The following DPP10 variants were observed in gnomAD, a reference collection of about 807,000 sequenced individuals.
DPP10 encodes dipeptidyl peptidase like 10, also known as inactive dipeptidyl peptidase 10.
A neutral mutation model predicts 120.9 loss-of-function variants in DPP10; 33 were observed. The ratio of observed to expected loss-of-function variants is 0.27; its 90% confidence interval spans 0.21 to 0.37. The LOEUF (loss-of-function observed/expected upper bound fraction) is 0.37, where lower values mean the gene tolerates loss of function less well. Among genes scored for constraint, DPP10 ranks in the 10% least tolerant of loss-of-function variants. The pLI, the probability that DPP10 is intolerant of heterozygous loss-of-function variation, is 1.00. For missense variants in DPP10, 816 were observed against 942.8 expected (o/e 0.87, Z 1.76); for synonymous variants, 337 against 326.1 (o/e 1.03, Z -0.36).
chr2:114,671,694 G>A (rs1466087179), intron 1 of DPP10, among the ~76,000 whole-genome samples: 1 of 152,028 alleles, frequency 6.6e-6, no homozygotes, highest in African/African-American at 2.4e-5. Flanking sequence ...GACTTAGATG[G>A]CAGGGCTTTC....
intron 1 of DPP10, among the ~76,000 whole-genome samples, chr2:114,649,923 T>G (rs1035660609): frequency 2.0e-5 from 3 of 152,196 alleles, no homozygotes; most frequent in Non-Finnish European, 4.4e-5. Flanking sequence ...TGACAACTTT[T>G]TAACCAGTAT....
At chr2:115,711,270 G>GA (rs2092305557) in intron 7 of DPP10, among the ~76,000 whole-genome samples, 1 of 151,942 alleles carries the variant, frequency 6.6e-6, no homozygotes, top group South Asian at 2.1e-4. Context: ...CCTTACAAAA[G>GA]AAAAAAGTTA....
At chr2:114,944,790 T>C (rs957167003) in intron 1 of DPP10, among the ~76,000 whole-genome samples, 20 of 152,192 alleles carry the variant, frequency 1.3e-4, no homozygotes, top group Non-Finnish European at 8.8e-5. Context: ...AGCTACAGGA[T>C]TTTTTTTGTT....
chr2:114,873,787 T>C (rs918334892), intron 1 of DPP10, among the ~76,000 whole-genome samples: 1 of 152,144 alleles, frequency 6.6e-6, no homozygotes, highest in Admixed American at 6.6e-5. Context: ...TGTGAGGAGA[T>C]GGACACAGAG....
chr2:115,815,699 T>A lies in DPP10; in HGVS notation c.1920T>A (p.Ile640=). ...GATTTTTGCTGAAACTGCCTTACATTGACTCCAAAAGATTAAGCATTTTTG... is the reference window on the plus strand; with the variant it reads ...GATTTTTGCTGAAACTGCCTTACATAGACTCCAAAAGATTAAGCATTTTTG... ...AVKFLLKLPY[I]DSKRLSIFGK... Residue 640 remains isoleucine, a synonymous_variant, in exon 21 of 26, where the codon ATT becomes ATA. Coordinates refer to ENST00000410059, the MANE Select transcript of DPP10 (RefSeq NM_020868.6). 1 of 1,602,140 alleles carries A rather than the reference T, an allele frequency of 6.2e-7. No homozygotes were observed. The highest frequency in any genetic ancestry group is 8.5e-7 in the Non-Finnish European group (1 of 1,173,292).
intron 1 of DPP10, among the ~76,000 whole-genome samples, chr2:114,895,783 G>T (rs946949443): frequency 6.6e-6 from 1 of 152,128 alleles, no homozygotes; most frequent in Non-Finnish European, 1.5e-5. Flanking sequence ...TGTCCAAATT[G>T]CCTTTCTCAC....
intron 8 of DPP10, among the ~76,000 whole-genome samples, chr2:115,734,384 A>G (rs1390928049): frequency 6.6e-6 from 1 of 151,994 alleles, no homozygotes; most frequent in East Asian, 1.9e-4. Context: ...GGGGCCGGGC[A>G]TGGTAGCTGA....
At chr2:115,192,382 T>A (rs1417124457) in intron 1 of DPP10, among the ~76,000 whole-genome samples, 2 of 152,360 alleles carry the variant, frequency 1.3e-5, no homozygotes, top group Non-Finnish European at 2.9e-5. Flanking sequence ...GGTAATCTTT[T>A]ACTAAGCAAT....
intron 1 of DPP10, among the ~76,000 whole-genome samples, chr2:115,079,795 CA>C (rs1559068911): frequency 6.6e-6 from 1 of 152,158 alleles, no homozygotes; most frequent in African/African-American, 2.4e-5. Flanking sequence ...GCTTGATGAA[CA>C]GATAGAGAAG....
At chr2:115,173,687 G>A (rs1020132886) in intron 1 of DPP10, among the ~76,000 whole-genome samples, 1 of 152,130 alleles carries the variant, frequency 6.6e-6, no homozygotes, top group African/African-American at 2.4e-5. Flanking sequence ...TCTGCAGATG[G>A]TAATTATTAG....
chr2:114,943,629 G>C (rs1204376950), intron 1 of DPP10, among the ~76,000 whole-genome samples: 1 of 152,140 alleles, frequency 6.6e-6, no homozygotes, highest in Non-Finnish European at 1.5e-5. Flanking sequence ...TTGGTTCCAA[G>C]TCTTTGCTAT....
At chr2:114,592,294 C>T (rs1691527042) in intron 1 of DPP10, among the ~76,000 whole-genome samples, 1 of 152,172 alleles carries the variant, frequency 6.6e-6, no homozygotes, top group South Asian at 2.1e-4. Flanking sequence ...ATACCCCAGA[C>T]ACCTGCTACT....
chr2:114,635,531 G>A (rs1451621119), intron 1 of DPP10, among the ~76,000 whole-genome samples: 2 of 151,890 alleles, frequency 1.3e-5, no homozygotes, highest in Non-Finnish European at 2.9e-5. Flanking sequence ...GTTAGTGACC[G>A]CTTTTCTGAA....
chr2:114,802,138 A>G (rs555124342), intron 1 of DPP10, among the ~76,000 whole-genome samples: 1 of 152,312 alleles, frequency 6.6e-6, no homozygotes, highest in South Asian at 2.1e-4. Context: ...TAAATTCAAC[A>G]AGAAGTAAAA....
In DPP10 at chr2:114,963,596, T is replaced by C. The variant is rs553347019; in HGVS notation, c.61-345643T>C. Among the ~76,000 whole-genome samples, 79 of 152,228 alleles carry C rather than the reference T, an allele frequency of 5.2e-4. No individual in the cohort carries two copies. The South Asian group carries it at 0.013, about 24-fold the overall frequency. On this transcript the variant is annotated intron_variant, in intron 1 of 25. Transcript: ENST00000410059. ...GGCTGATGCTCTGTGCCAATGTAAA[T>C]AGGCCCAATTATTACCGTTTCTAGT... is the stretch of plus-strand genomic sequence containing the variant.
chr2:115,632,088 G>T (rs1388948989), intron 5 of DPP10, among the ~76,000 whole-genome samples: 1 of 152,080 alleles, frequency 6.6e-6, no homozygotes, highest in Non-Finnish European at 1.5e-5. Flanking sequence ...TATGAATCTG[G>T]GTTCTTCTGT....
chr2:115,448,984 A>T (rs953105708), intron 3 of DPP10, among the ~76,000 whole-genome samples: 2 of 152,166 alleles, frequency 1.3e-5, no homozygotes, highest in Non-Finnish European at 2.9e-5. Context: ...GGCCAAATAG[A>T]AGACACTCAA....
chr2:115,452,634 A>T (rs914083881), intron 3 of DPP10, among the ~76,000 whole-genome samples: 2 of 151,976 alleles, frequency 1.3e-5, no homozygotes, highest in African/African-American at 4.8e-5. Context: ...TTTTCCATAG[A>T]TCTTCATCAT....
chr2:115,715,957 G>A (rs2092479191), intron 7 of DPP10, among the ~76,000 whole-genome samples: 1 of 152,112 alleles, frequency 6.6e-6, no homozygotes, highest in African/African-American at 2.4e-5. Context: ...CAATGAACAA[G>A]CAAATAATAC....
Sources: allele counts gnomAD v4.1 joint callset (sites outside exome capture counted in the v4.1 genomes callset), GRCh38; gene constraint gnomAD v4.1.1; transcripts MANE v1.5; gene names NCBI Gene and HGNC (gene_info 2026-07-23, HGNC 2026-07-21).